SBNO2: variants seen among roughly 807,000 people sequenced by gnomAD.
SBNO2 encodes the protein strawberry notch homolog 2.
A neutral mutation model predicts 146.3 loss-of-function variants in SBNO2; 89 were observed. The observed-to-expected ratio is 0.61, with a 90% CI of 0.51 to 0.73. The LOEUF is 0.73. SBNO2 is among the 30% of genes least tolerant of loss of function. The pLI is 0.00. For missense variants in SBNO2, 2,092 were observed against 2,003.7 expected (o/e 1.04, Z -0.84); for synonymous variants, 1,147 against 892.6 (o/e 1.29, Z -5.08).
chr19:1,162,563 G>C (rs1298967798), intron 1 of SBNO2, among the ~76,000 whole-genome samples: 1 of 152,062 alleles, frequency 6.6e-6, no homozygotes, highest in African/African-American at 2.4e-5. Context: ...CCAGAGGCAG[G>C]AGGCTGACGC....
chr19:1,112,710 C>T lies in SBNO2; in HGVS notation c.2379+108G>A, dbSNP rs2079780455. 1 of 1,444,744 alleles carries T rather than the reference C, an allele frequency of 6.9e-7. No homozygotes were observed. Among genetic ancestry groups the T allele is most frequent in the Admixed American group, 2.4e-5 (1 of 41,546 alleles). 89.5% of individuals were successfully genotyped at this position (1,444,744 alleles called of 1,614,324 possible). ...CACGGCCACTCGCGCCCGCACCTGG[C>T]ACACACACACTCCAGAAGTGCGCGG... is the stretch of plus-strand genomic sequence containing the variant. On this transcript the variant is annotated intron_variant, in intron 20 of 31. Coordinates refer to ENST00000361757, the MANE Select transcript of SBNO2 (RefSeq NM_014963.3). The surrounding 1 kb of genome is among the most constrained non-coding windows in gnomAD (Gnocchi z 5.9).
Position 1,112,230 on chromosome 19 carries a change from G to A in SBNO2, c.2587C>T (p.Arg863Cys), listed in dbSNP as rs745886953. 20 of 1,590,702 alleles carry A rather than the reference G, an allele frequency of 1.3e-5. No homozygotes were observed. The highest frequency in any genetic ancestry group is 7.9e-5 in the South Asian group (7 of 88,112). ...TTGGCCACGATGGAGGCGAACCGGC[G>A]CTCCCCGGCCAGCTCCGAGATGAGG... The part of the protein sequence containing the change: ...VFLISELAGE[R>C]RFASIVAKRL... Residue 863 changes from arginine to cysteine, a missense_variant, in exon 22 of 32, where the codon CGC (arginine) becomes TGC (cysteine). Arg to Cys is a radical substitution (Grantham distance 180). Coordinates refer to ENST00000361757, the MANE Select transcript of SBNO2 (RefSeq NM_014963.3). The surrounding 1 kb of genome is among the most constrained non-coding windows in gnomAD (Gnocchi z 5.9).
At chr19:1,139,193 C>T (rs752710867) in intron 4 of SBNO2, among the ~76,000 whole-genome samples, 1 of 152,194 alleles carries the variant, frequency 6.6e-6, no homozygotes, top group African/African-American at 2.4e-5. Context: ...AGCCATAGCT[C>T]GGATGTACCT....
intron 12 of SBNO2, 76 bp downstream of exon 12, chr19:1,119,830 G>A: frequency 3.4e-6 from 4 of 1,181,646 alleles, no homozygotes; most frequent in Non-Finnish European, 1.2e-6. Context: ...TACGCGTGTG[G>A]GATACCCCTT....
Position 1,112,628 on chromosome 19 carries a change from G to C in SBNO2, c.2380-91C>G. The C allele has an allele frequency of 6.8e-7, 1 of 1,472,168 alleles. No individual in the cohort carries two copies. The highest frequency in any genetic ancestry group is 9.0e-7 in the Non-Finnish European group (1 of 1,113,328). 91.2% of individuals were successfully genotyped at this position (1,472,168 alleles called of 1,614,324 possible). On this transcript the variant is annotated intron_variant, in intron 20 of 31. Transcript: ENST00000361757. This position sits in a 1 kb window ranked among gnomAD's most constrained non-coding sequence, Gnocchi z 5.9. ...CTCACCCACTAGGCCCCCGCTCCAG[G>C]TCACCAGGACGTCCCGGGGCAGCGA...
At chr19:1,168,036 C>A (rs2080442638) in intron 1 of SBNO2, among the ~76,000 whole-genome samples, 1 of 151,890 alleles carries the variant, frequency 6.6e-6, no homozygotes. Context: ...CACAGGTGCA[C>A]CCCTGGGGAG....
At position 1,108,403 on chromosome 19, in the gene SBNO2, C is replaced by G; in HGVS notation, c.3918G>C (p.Gln1306His). ...CCTCCTTGAAGTTGATGTCGCAGCC[C>G]TGGTGCGCGAGGGCCGCAGGGTCGG... ...AQADPAALAHQGCDINFKEVL... is the reference protein window; with the variant it reads ...AQADPAALAHHGCDINFKEVL... The change falls in exon 32 of 32, where the codon CAG becomes CAC. Residue 1306 changes from glutamine (Q) to histidine (H), a missense_variant. Coordinates refer to ENST00000361757, the MANE Select transcript of SBNO2 (RefSeq NM_014963.3). 7.8e-7 allele frequency: 1 copy of G among 1,279,378 alleles called. No homozygotes were observed. Among genetic ancestry groups the G allele is most frequent in the East Asian group, 4.0e-5 (1 of 25,228 alleles). 79.3% of individuals were successfully genotyped at this position (1,279,378 alleles called of 1,614,324 possible).
rs1258920974 is a variant in SBNO2 at position 1,173,048 on chromosome 19, C to T, written c.-127+1124G>A. Among the ~76,000 whole-genome samples, 1 of 151,638 alleles carries T rather than the reference C, an allele frequency of 6.6e-6. No individual in the cohort carries two copies. The highest frequency in any genetic ancestry group is 2.4e-5 in the African/African-American group (1 of 41,218). Reference sequence around the variant, plus strand: ...TTAATCAGTTCATCCAGGGAGACACCCACCGTCCCTGCCCCAGCACCATCC... The same window carrying T: ...TTAATCAGTTCATCCAGGGAGACACTCACCGTCCCTGCCCCAGCACCATCC... On this transcript the variant is annotated intron_variant, in intron 1 of 31. Transcript: ENST00000361757. This position sits in a 1 kb window ranked among gnomAD's most constrained non-coding sequence, Gnocchi z 4.7.
intron 2 of SBNO2, among the ~76,000 whole-genome samples, chr19:1,152,097 G>C (rs2080247678): frequency 6.6e-6 from 1 of 152,344 alleles, no homozygotes. Context: ...GGGAGGGTGG[G>C]ATGAGCCTCA....
At chr19:1,116,587 C>T (rs1004631810) in intron 16 of SBNO2, among the ~76,000 whole-genome samples, 1 of 152,158 alleles carries the variant, frequency 6.6e-6, no homozygotes, top group Non-Finnish European at 1.5e-5. Flanking sequence ...CCTTCTGAGA[C>T]CCCTGGAGAC....
At position 1,122,803 on chromosome 19, in the gene SBNO2, G is replaced by T; in HGVS notation, c.781-12C>A. ...AGGACCTCGTGTTGCTGTTGCCGGA[G>T]AGCAGGCGTCAGGGCCTGGGGGTGC... On this transcript the variant is annotated splice_polypyrimidine_tract_variant and intron_variant, in intron 8 of 31. Coordinates refer to ENST00000361757, the MANE Select transcript of SBNO2 (RefSeq NM_014963.3). 6.5e-7 allele frequency: 1 copy of T among 1,538,210 alleles called. No homozygotes were observed. The highest frequency in any genetic ancestry group is 8.7e-7 in the Non-Finnish European group (1 of 1,146,228).
In SBNO2 at chr19:1,157,416, A is replaced by AGACCCTCTCCCCACGCGGCCCCGGT; in HGVS notation, c.-126-3039_-126-3015dup. ...AGACGCTCTCCCCACGCGGCCCCGGAGACCCTCTCCCCACGCGGCCCCGGT... is the reference window on the plus strand; with the variant it reads ...AGACGCTCTCCCCACGCGGCCCCGGAGACCCTCTCCCCACGCGGCCCCGGTGACCCTCTCCCCACGCGGCCCCGGT... On this transcript the variant is annotated intron_variant, in intron 1 of 31. Transcript: ENST00000361757. The surrounding 1 kb of genome is among the most constrained non-coding windows in gnomAD (Gnocchi z 6.8). Among the ~76,000 whole-genome samples the AGACCCTCTCCCCACGCGGCCCCGGT allele has an allele frequency of 6.7e-6, 1 of 148,878 alleles. No homozygotes were observed. Among genetic ancestry groups the AGACCCTCTCCCCACGCGGCCCCGGT allele is most frequent in the African/African-American group, 2.5e-5 (1 of 40,772 alleles).
chr19:1,166,325 G>A lies in SBNO2; in HGVS notation c.-127+7847C>T, dbSNP rs116238259. Among the ~76,000 whole-genome samples the A allele has an allele frequency of 2.3e-3, 345 of 152,332 alleles. 1 individual carries two copies. The highest frequency in any genetic ancestry group is 8.0e-3 in the African/African-American group (332 of 41,578). ...AATGCTTATGCGGAAACAGCCTCCA[G>A]GCCGGGCTGCGGGGCTCCAAAGCAG... On this transcript the variant is annotated intron_variant, in intron 1 of 31. Transcript: ENST00000361757.
In SBNO2 at chr19:1,110,827, G is replaced by A. The variant is rs1182230348; in HGVS notation, c.2946C>T (p.Ala982=). Residue 982 remains alanine (A), a synonymous_variant, in exon 26 of 32, where the codon GCC becomes GCT. Coordinates refer to ENST00000361757, the MANE Select transcript of SBNO2 (RefSeq NM_014963.3). The surrounding 1 kb of genome is among the most constrained non-coding windows in gnomAD (Gnocchi z 4.9). ...ILGLEVHKQN[A]LFQYFSDTFD... is the part of the protein sequence containing the mutation. ...AGGTGTCTGAGAAGTACTGGAACAG[G>A]GCGTTCTGCTTGTGCACCTCCAGCC... is the stretch of plus-strand genomic sequence containing the variant. 2 of 1,613,544 alleles carry A rather than the reference G, an allele frequency of 1.2e-6. No homozygotes were observed. The highest frequency in any genetic ancestry group is 1.7e-5 in the Admixed American group (1 of 59,962).
chr19:1,152,309 AC>A (rs1417850559), intron 2 of SBNO2, among the ~76,000 whole-genome samples: 5 of 151,876 alleles, frequency 3.3e-5, no homozygotes, highest in Non-Finnish European at 7.4e-5. Flanking sequence ...TTATTTCCCC[AC>A]CGTAGAGCCT....
At chr19:1,118,957 G>A (rs568016871) in intron 14 of SBNO2, 54 bp downstream of exon 14, 10 of 1,530,002 alleles carry the variant, frequency 6.5e-6, no homozygotes, top group African/African-American at 1.4e-5. Context: ...CCACGGGGGA[G>A]CAATTTCACC....
At chr19:1,153,183 G>GAAATA (rs1224463441) in intron 2 of SBNO2, among the ~76,000 whole-genome samples, 5 of 150,486 alleles carry the variant, frequency 3.3e-5, no homozygotes, top group African/African-American at 1.2e-4. Flanking sequence ...AAAATAAAAT[G>GAAATA]AAATAAAATA....
In SBNO2 at chr19:1,123,612, C is replaced by A; in HGVS notation, c.550G>T (p.Glu184Ter). The change falls in exon 7 of 32, where the codon GAG becomes TAG. Residue 184 changes from glutamate to a stop codon, truncating the protein, a stop_gained. Coordinates refer to ENST00000361757, the MANE Select transcript of SBNO2 (RefSeq NM_014963.3). LOFTEE classifies it high-confidence loss of function. ...QEQSVQSQPE[E>*]EDEAEEEEAE... ...TCCTCCTCCTCAGCCTCGTCCTCCT[C>A]CTCTGGCTGGCTCTGCACACTCTGC... is the stretch of plus-strand genomic sequence containing the variant. The A allele has an allele frequency of 6.2e-7, 1 of 1,613,252 alleles. No individual in the cohort carries two copies. Among genetic ancestry groups the A allele is most frequent in the Non-Finnish European group, 8.5e-7 (1 of 1,179,744 alleles).
intron 7 of SBNO2, 57 bp from the exon 8 acceptor site, chr19:1,123,102 C>A (rs913618731): frequency 1.9e-6 from 3 of 1,557,218 alleles, no homozygotes; most frequent in Admixed American, 1.9e-5. Flanking sequence ...GTGACCAGGG[C>A]CGGTTATGGC....
Sources: allele counts gnomAD v4.1 joint callset (sites outside exome capture counted in the v4.1 genomes callset), GRCh38; gene constraint gnomAD v4.1.1; non-coding constraint Gnocchi (gnomAD v3.1); transcripts MANE v1.5; gene names NCBI Gene and HGNC (gene_info 2026-07-23, HGNC 2026-07-21).